The following CALN1 variants were observed in gnomAD, a reference collection of about 807,000 sequenced individuals.
CALN1 encodes calcium-binding protein 8.
A neutral mutation model predicts 30.6 loss-of-function variants in CALN1; 17 were observed. The observed-to-expected ratio is 0.56, with a 90% CI of 0.38 to 0.83. CALN1 has a LOEUF of 0.83. Ranked by LOEUF, CALN1 falls within the 40% of genes least tolerant of loss-of-function variation. The pLI is 0.00. For synonymous variants in CALN1, 156 were observed against 131.4 expected (o/e 1.19, Z -1.28); for missense variants, 291 against 354.9 (o/e 0.82, Z 1.45).
intron 4 of CALN1, among the ~76,000 whole-genome samples, chr7:72,065,105 ATATT>A (rs1329418582): frequency 1.4e-5 from 2 of 147,920 alleles, no homozygotes; most frequent in African/African-American, 4.9e-5. Flanking sequence ...TATGTAAAAT[ATATT>A]TATGTTAATA....
chr7:72,118,637 G>A (rs772235168), intron 3 of CALN1, among the ~76,000 whole-genome samples: 6 of 152,184 alleles, frequency 3.9e-5, no homozygotes, highest in South Asian at 4.1e-4. Flanking sequence ...AGCCCAGCCC[G>A]GCCAGAGATA....
rs943395076 is a variant in CALN1 at position 71,781,232 on chromosome 7, T to C, written c.*6543A>G. 6.6e-6 allele frequency: 1 copy of C among 152,346 alleles called. No individual in the cohort carries two copies. The allele number at this position is 152,346 out of a possible 1,614,324, so 9.4% of individuals were successfully genotyped here. ...AGAAACCTGAAGCCAGGGAGGAATG[T>C]CACTCAACATAACCTAGATAGTGGG... On this transcript the variant is annotated 3_prime_UTR_variant, in exon 7 of 7. Transcript: ENST00000395275.
intron 1 of CALN1, among the ~76,000 whole-genome samples, chr7:72,434,939 G>A (rs973903519): frequency 6.6e-6 from 1 of 152,138 alleles, no homozygotes; most frequent in African/African-American, 2.4e-5. Context: ...CAAAAGGCAG[G>A]GTAGGGGCCA....
At chr7:72,478,887 C>T in the CALN1 span, among the ~76,000 whole-genome samples, 2 of 139,392 alleles carry the variant, frequency 1.4e-5, no homozygotes, top group African/African-American at 2.9e-5. Context: ...CGAACCACTT[C>T]TTTTTTTTTT....
chr7:72,343,925 A>G lies in CALN1; in HGVS notation c.119+59326T>C, dbSNP rs140353401. On this transcript the variant is annotated intron_variant, in intron 2 of 6. Transcript: ENST00000395275. ...AATATCCTTTGTTAAGGCCTCAGACATATTTAAGGGGATGCCCAAAAGGGC... is the reference window on the plus strand; with the variant it reads ...AATATCCTTTGTTAAGGCCTCAGACGTATTTAAGGGGATGCCCAAAAGGGC... Among the ~76,000 whole-genome samples the G allele has an allele frequency of 9.1e-3, 1,382 of 152,328 alleles. 11 individuals are homozygous for G. Among genetic ancestry groups the G allele is most frequent in the Middle Eastern group, 0.017 (5 of 294 alleles).
chr7:72,194,249 G>A (rs373502703), intron 3 of CALN1, among the ~76,000 whole-genome samples: 1 of 152,222 alleles, frequency 6.6e-6, no homozygotes, highest in South Asian at 2.1e-4. Context: ...CTAAAACTCA[G>A]TGCAGTGTGG....
the CALN1 span, among the ~76,000 whole-genome samples, chr7:72,467,459 C>A: frequency 6.6e-6 from 1 of 152,144 alleles, no homozygotes; most frequent in Admixed American, 6.5e-5. Context: ...GCCAGCCAGC[C>A]AGGTGGAGGA....
chr7:72,294,214 T>A (rs959700541), intron 2 of CALN1, among the ~76,000 whole-genome samples: 1 of 152,104 alleles, frequency 6.6e-6, no homozygotes, highest in Admixed American at 6.5e-5. Flanking sequence ...GTCACTTAAA[T>A]TAAAATAAGT....
intron 5 of CALN1, among the ~76,000 whole-genome samples, chr7:71,873,746 AC>A (rs1055480476): frequency 2.0e-5 from 3 of 152,216 alleles, no homozygotes; most frequent in Non-Finnish European, 4.4e-5. Flanking sequence ...AGAGTTTGAG[AC>A]CCACTGTGCT....
At chr7:72,202,976 C>T (rs976071315) in intron 3 of CALN1, among the ~76,000 whole-genome samples, 2 of 152,128 alleles carry the variant, frequency 1.3e-5, no homozygotes, top group Non-Finnish European at 1.5e-5. Context: ...GAAAATGTGG[C>T]ACATATACAC....
At chr7:72,268,690 G>A (rs367994442) in intron 3 of CALN1, among the ~76,000 whole-genome samples, 3 of 151,818 alleles carry the variant, frequency 2.0e-5, no homozygotes, top group East Asian at 3.9e-4. Flanking sequence ...CTAGCTACTC[G>A]GGAGGCCGAG....
chr7:72,108,750 G>A (rs184122382), intron 3 of CALN1, among the ~76,000 whole-genome samples: 4 of 150,432 alleles, frequency 2.7e-5, no homozygotes, highest in South Asian at 2.2e-4. Flanking sequence ...TCACCATGCC[G>A]CAAGACACAG....
intron 4 of CALN1, among the ~76,000 whole-genome samples, chr7:72,053,495 C>A (rs935413406): frequency 2.6e-5 from 4 of 152,106 alleles, no homozygotes; most frequent in African/African-American, 4.8e-5. Context: ...CACTGCCTTT[C>A]GCAAGGGCTG....
chr7:72,442,960 T>C (rs2129564472), intron 1 of CALN1, among the ~76,000 whole-genome samples: 1 of 152,254 alleles, frequency 6.6e-6, no homozygotes, highest in South Asian at 2.1e-4. Flanking sequence ...TTATTAAGGG[T>C]TGCACTTATT....
At chr7:72,498,287 T>G in the CALN1 span, among the ~76,000 whole-genome samples, 4 of 152,014 alleles carry the variant, frequency 2.6e-5, no homozygotes, top group Non-Finnish European at 5.9e-5. Flanking sequence ...TGGCCAAAAT[T>G]TCTCCAACTT....
chr7:71,799,462 G>C (rs560544373), intron 6 of CALN1, among the ~76,000 whole-genome samples: 2 of 148,980 alleles, frequency 1.3e-5, no homozygotes, highest in Non-Finnish European at 2.9e-5. Context: ...TAGTTAGTTA[G>C]TTAGTTAGTT....
chr7:72,311,991 C>T (rs1280256470), intron 2 of CALN1, among the ~76,000 whole-genome samples: 2 of 152,072 alleles, frequency 1.3e-5, no homozygotes, highest in Non-Finnish European at 2.9e-5. Context: ...CAGAAGCAAC[C>T]TGCCACAGGC....
intron 3 of CALN1, among the ~76,000 whole-genome samples, chr7:72,169,837 C>T (rs1467151426): frequency 6.6e-6 from 1 of 151,726 alleles, no homozygotes; most frequent in African/African-American, 2.4e-5. Flanking sequence ...ATTACAGGTG[C>T]CCAGCACCAC....
At chr7:72,418,672 C>G (rs1807507186) in intron 1 of CALN1, among the ~76,000 whole-genome samples, 1 of 151,990 alleles carries the variant, frequency 6.6e-6, no homozygotes, top group Non-Finnish European at 1.5e-5. Context: ...CACAGAGATT[C>G]TTAGTCTTTT....
Sources: gnomAD v4.1 joint callset for allele counts (sites outside exome capture counted in the v4.1 genomes callset) on GRCh38, gnomAD v4.1.1 for gene constraint, MANE v1.5 for transcripts, NCBI Gene and HGNC (gene_info 2026-07-23, HGNC 2026-07-21) for gene names.